RBMS3: variants seen among roughly 807,000 people sequenced by gnomAD.
RBMS3 encodes RNA binding motif single stranded interacting protein 3.
RBMS3 carries 27 observed loss-of-function variants against 66.8 expected under a neutral mutation model. The observed-to-expected ratio is 0.40, with a 90% CI of 0.30 to 0.56. The LOEUF is 0.56. Among genes scored for constraint, RBMS3 ranks in the 20% least tolerant of loss-of-function variants. The probability of loss-of-function intolerance (pLI) is 0.40; values close to 1 mark genes in which losing one functional copy is unlikely to be tolerated. For missense variants in RBMS3, 513 were observed against 549.5 expected, an observed-to-expected ratio of 0.93 and a Z score of 0.66; for synonymous variants, 188 against 183.0, an observed-to-expected ratio of 1.03 and a Z score of -0.22.
At chr3:29,899,184 C>T (rs1376995258) in intron 9 of RBMS3, among the ~76,000 whole-genome samples, 1 of 151,688 alleles carries the variant, frequency 6.6e-6, no homozygotes, top group African/African-American at 2.4e-5. Flanking sequence ...TACAAACTTG[C>T]TTAACTTGGG....
chr3:29,755,566 A>G (rs2055371955), intron 5 of RBMS3, among the ~76,000 whole-genome samples: 1 of 152,190 alleles, frequency 6.6e-6, no homozygotes, highest in South Asian at 2.1e-4. Flanking sequence ...AGAGAGGAGC[A>G]ACAGAGGGAA....
intron 4 of RBMS3, among the ~76,000 whole-genome samples, chr3:29,665,632 T>C (rs2050721378): frequency 6.6e-6 from 1 of 152,240 alleles, no homozygotes; most frequent in Admixed American, 6.5e-5. Flanking sequence ...CATTTAAGTT[T>C]GCCAACATTG....
Position 29,434,923 on chromosome 3 carries a change from T to C in RBMS3, c.248+8T>C. 1 of 1,609,862 alleles carries C rather than the reference T, an allele frequency of 6.2e-7. No individual in the cohort carries two copies. The highest frequency in any genetic ancestry group is 1.3e-5 in the African/African-American group (1 of 74,964). On this transcript the variant is annotated splice_region_variant and intron_variant, in intron 2 of 14. Coordinates refer to ENST00000383767, the MANE Select transcript of RBMS3 (RefSeq NM_001003793.3). ...AATCAAGCTGTGCCAACCGTAAGTGTCCTTCTGCTGCCCGTGCTGTTTCTC... is the reference window on the plus strand; with the variant it reads ...AATCAAGCTGTGCCAACCGTAAGTGCCCTTCTGCTGCCCGTGCTGTTTCTC...
At chr3:29,498,929 T>G (rs76118520) in intron 3 of RBMS3, among the ~76,000 whole-genome samples, 2,421 of 152,286 alleles carry the variant, frequency 0.016, 27 homozygotes, top group Admixed American at 0.036. Flanking sequence ...AAAGTATAAG[T>G]ACTTAAAGGA....
chr3:29,836,833 T>C (rs1576952870), intron 6 of RBMS3, among the ~76,000 whole-genome samples: 2 of 151,832 alleles, frequency 1.3e-5, no homozygotes, highest in Middle Eastern at 3.4e-3. Context: ...ACCTTAAATA[T>C]ATACAATTTT....
chr3:29,544,447 C>T (rs1288295294), intron 3 of RBMS3, among the ~76,000 whole-genome samples: 1 of 151,596 alleles, frequency 6.6e-6, no homozygotes. Context: ...TAAAAACTAA[C>T]TTTGGAAATT....
chr3:29,628,467 G>A (rs2049151211), intron 4 of RBMS3, among the ~76,000 whole-genome samples: 1 of 152,086 alleles, frequency 6.6e-6, no homozygotes, highest in South Asian at 2.1e-4. Context: ...TAGGGGGCTG[G>A]TACTTGCCGT....
At chr3:29,702,156 T>C (rs1252894038) in intron 4 of RBMS3, among the ~76,000 whole-genome samples, 1 of 151,958 alleles carries the variant, frequency 6.6e-6, no homozygotes, top group East Asian at 1.9e-4. Flanking sequence ...CAGTGCTGTG[T>C]GTCTAGCTAA....
intron 12 of RBMS3, among the ~76,000 whole-genome samples, chr3:29,978,294 T>G (rs1303675596): frequency 6.6e-6 from 1 of 152,198 alleles, no homozygotes; most frequent in Admixed American, 6.5e-5. Context: ...CCTTAGAAAG[T>G]GTATGTCTAC....
At chr3:29,472,792 G>T (rs1006447747) in intron 2 of RBMS3, among the ~76,000 whole-genome samples, 1 of 152,152 alleles carries the variant, frequency 6.6e-6, no homozygotes, top group Non-Finnish European at 1.5e-5. Flanking sequence ...CCCAAAGAGT[G>T]AGCAGCAGCA....
At chr3:29,773,020 C>G in intron 6 of RBMS3, among the ~76,000 whole-genome samples, 1 of 152,096 alleles carries the variant, frequency 6.6e-6, no homozygotes, top group East Asian at 1.9e-4. Flanking sequence ...ATCCTAATTG[C>G]TAATCTAAAT....
At chr3:29,446,040 C>T (rs1025623803) in intron 2 of RBMS3, among the ~76,000 whole-genome samples, 1 of 152,146 alleles carries the variant, frequency 6.6e-6, no homozygotes, top group Non-Finnish European at 1.5e-5. Flanking sequence ...TTTCTATCAT[C>T]CGCAGAGATT....
intron 12 of RBMS3, among the ~76,000 whole-genome samples, chr3:29,948,592 G>T (rs1430646885): frequency 6.6e-6 from 1 of 151,704 alleles, no homozygotes; most frequent in Non-Finnish European, 1.5e-5. Context: ...AAGTTCATTA[G>T]TACCTCCAAT....
chr3:29,281,814 G>A (rs1471373534), intron 1 of RBMS3, 58 bp downstream of exon 1: 14 of 1,416,962 alleles, frequency 9.9e-6, no homozygotes, highest in Non-Finnish European at 1.3e-5. Context: ...CTTGGGATGG[G>A]AAACAGACAG....
intron 3 of RBMS3, among the ~76,000 whole-genome samples, chr3:29,535,980 C>T (rs560181886): frequency 1.7e-4 from 26 of 151,964 alleles, no homozygotes; most frequent in African/African-American, 5.3e-4. Context: ...TAATCTTACT[C>T]CTCTTTAAAT....
At chr3:29,772,438 T>C (rs1376577017) in intron 6 of RBMS3, among the ~76,000 whole-genome samples, 1 of 152,072 alleles carries the variant, frequency 6.6e-6, no homozygotes, top group African/African-American at 2.4e-5. Context: ...TTTCTCCTGA[T>C]TTTTACCTTC....
intron 4 of RBMS3, chr3:29,642,628 G>A (rs1367557226): frequency 1.3e-5 from 2 of 152,084 alleles, no homozygotes; most frequent in Admixed American, 1.3e-4. Context: ...AAGACTGTGG[G>A]AACTTGGTAA....
chr3:29,296,454 G>T (rs1349010871), intron 1 of RBMS3, among the ~76,000 whole-genome samples: 3 of 151,724 alleles, frequency 2.0e-5, no homozygotes, highest in Non-Finnish European at 4.4e-5. Context: ...TAATGTCATG[G>T]TTTATCAATT....
rs1553719834 is a variant in RBMS3, at chr3:30,010,085, A to AG, written c.*6226dup. The AG allele has an allele frequency of 4.0e-5, 6 of 151,144 alleles. No homozygotes were observed. Among genetic ancestry groups the AG allele is most frequent in the African/African-American group, 1.2e-4 (5 of 41,036 alleles). 9.4% of individuals were successfully genotyped at this position (151,144 alleles called of 1,614,324 possible). A position where few individuals can be genotyped will look rare whatever the true frequency, so the allele number is the denominator to read the frequency against. On this transcript the variant is annotated 3_prime_UTR_variant, in exon 15 of 15. Transcript: ENST00000383767. The stretch of plus-strand genomic sequence containing the variant: ...ATATTCAGTCTCTATAAAAAAAAAA[A>AG]GGGACACAGCTTCTTTTAAAACCCT...
Sources: allele counts gnomAD v4.1 joint callset (sites outside exome capture counted in the v4.1 genomes callset), GRCh38; gene constraint gnomAD v4.1.1; transcripts MANE v1.5; gene names NCBI Gene and HGNC (gene_info 2026-07-23, HGNC 2026-07-21).